Variants in DNAJB13 observed in about 807,000 individuals in gnomAD.
DNAJB13 encodes the protein dnaJ homolog subfamily B member 13.
Under a neutral mutation model 35.6 loss-of-function variants are expected in DNAJB13, and 22 were observed. The ratio of observed to expected loss-of-function variants is 0.62; its 90% CI spans 0.44 to 0.88. DNAJB13 has a LOEUF of 0.88. DNAJB13 is among the 40% of genes least tolerant of loss of function. The probability of loss-of-function intolerance (pLI) is 0.00; values close to 1 mark genes in which losing one functional copy is unlikely to be tolerated. For synonymous variants in DNAJB13, 136 were observed against 144.2 expected, an observed-to-expected ratio of 0.94 and a Z score of 0.41; for missense variants, 370 against 384.3, an observed-to-expected ratio of 0.96 and a Z score of 0.31.
rs1329615021 is a variant in DNAJB13, at chr11:73,970,122, G to A, written c.*8G>A. 6.3e-7 allele frequency: 1 copy of A among 1,593,860 alleles called. No homozygotes were observed. The highest frequency in any genetic ancestry group is 2.2e-5 in the East Asian group (1 of 44,574). On this transcript the variant is annotated 3_prime_UTR_variant, in exon 8 of 8. Transcript: ENST00000339764. ...CAGGCATTGCTGACATGACTGTGGT[G>A]GGCTGGAGCAGGGGTGAGAGGAGGC...
chr11:73,955,157 C>G (rs1679908332), intron 1 of DNAJB13, among the ~76,000 whole-genome samples: 2 of 151,856 alleles, frequency 1.3e-5, no homozygotes, highest in African/African-American at 4.8e-5. Flanking sequence ...TATAATTGCC[C>G]AGGATTCATA....
chr11:73,968,496 C>T, intron 6 of DNAJB13, 38 bp downstream of exon 6: 2 of 1,566,552 alleles, frequency 1.3e-6, no homozygotes, highest in South Asian at 2.3e-5. Context: ...GGGAGGAGAT[C>T]AGAGTGAGCC....
At chr11:73,965,333 C>A in intron 4 of DNAJB13, 1 of 248,710 alleles carries the variant, frequency 4.0e-6, no homozygotes, top group East Asian at 9.1e-5. Flanking sequence ...TGGAAAGGCT[C>A]TGAATGGGAG....
chr11:73,959,071 T>C (rs1950846291), intron 2 of DNAJB13, among the ~76,000 whole-genome samples: 2 of 151,412 alleles, frequency 1.3e-5, no homozygotes, highest in Non-Finnish European at 2.9e-5. Context: ...CCTTAGACTC[T>C]AGGATTTCGA....
chr11:73,951,143 T>A lies in DNAJB13; in HGVS notation c.68+6T>A, dbSNP rs763091758. On this transcript the variant is annotated splice_donor_region_variant and intron_variant, in intron 1 of 7. Transcript: ENST00000339764. ...GATGCCCAGATCAAGCAGGCGTAAG[T>A]TGGGGTGGGAGCCAGGCCTTAGGGG... 6.2e-7 allele frequency: 1 copy of A among 1,613,984 alleles called. No homozygotes were observed. The highest frequency in any genetic ancestry group is 8.5e-7 in the Non-Finnish European group (1 of 1,179,980).
chr11:73,952,187 A>G (rs1482659273), intron 1 of DNAJB13, among the ~76,000 whole-genome samples: 2 of 152,184 alleles, frequency 1.3e-5, no homozygotes, highest in Non-Finnish European at 2.9e-5. Flanking sequence ...TTGGAAGGAG[A>G]GAGACCCTTT....
Position 73,963,164 on chromosome 11 carries a change from A to G in DNAJB13, c.335-1714A>G, listed in dbSNP as rs116212482. 8.3e-3 allele frequency among the ~76,000 whole-genome samples: 1,256 copies of G among 152,072 alleles called. 23 individuals are homozygous for G. The highest frequency in any genetic ancestry group is 0.028 in the African/African-American group (1,173 of 41,474). The stretch of plus-strand genomic sequence containing the variant: ...ACCATGGAGAAAACCCATCTCTACT[A>G]AAAACAAACAAACAAACAAAAACAA... On this transcript the variant is annotated intron_variant, in intron 3 of 7. Transcript: ENST00000339764.
chr11:73,969,855 G>C, intron 7 of DNAJB13, 106 bp from the exon 8 acceptor site: 1 of 1,420,024 alleles, frequency 7.0e-7, no homozygotes, highest in Non-Finnish European at 9.5e-7. Context: ...AGACTGCAGT[G>C]ACTGTCCCCT....
chr11:73,953,920 G>A lies in DNAJB13; in HGVS notation c.68+2783G>A, dbSNP rs1950651961. On this transcript the variant is annotated intron_variant, in intron 1 of 7. Transcript: ENST00000339764. ...GGAGAATGGCGTGAACCCGGGAGGT[G>A]GAGCTTACAGTGAGCGAGATTGCGC... is the stretch of plus-strand genomic sequence containing the variant. Among the ~76,000 whole-genome samples the A allele has an allele frequency of 2.7e-5, 4 of 150,462 alleles. No homozygotes were observed. The South Asian group carries it at 8.4e-4, about 32-fold the overall frequency.
intron 1 of DNAJB13, among the ~76,000 whole-genome samples, chr11:73,955,842 T>C (rs139867957): frequency 1.6e-4 from 24 of 152,066 alleles, no homozygotes; most frequent in African/African-American, 4.8e-4. Flanking sequence ...CCTTTATAAT[T>C]GAGAAAGGCT....
chr11:73,963,292 C>T (rs941652060), intron 3 of DNAJB13, among the ~76,000 whole-genome samples: 2 of 151,780 alleles, frequency 1.3e-5, no homozygotes, highest in African/African-American at 4.8e-5. Context: ...TTGTGGTGAG[C>T]CGAGATTGCG....
chr11:73,964,825 A>T, intron 3 of DNAJB13, 53 bp from the exon 4 acceptor site: 4 of 1,201,138 alleles, frequency 3.3e-6, no homozygotes, highest in Non-Finnish European at 2.2e-6. Context: ...GCGCGCGCGC[A>T]TGTCTGGGTC....
intron 2 of DNAJB13, among the ~76,000 whole-genome samples, chr11:73,959,193 C>T (rs1950850720): frequency 6.6e-6 from 1 of 152,162 alleles, no homozygotes; most frequent in Non-Finnish European, 1.5e-5. Flanking sequence ...AGGCCAAATC[C>T]CAGGGCCATT....
In DNAJB13 at chr11:73,969,339, T is replaced by C. The variant is rs767477997; in HGVS notation, c.797+17T>C. On this transcript the variant is annotated intron_variant, in intron 7 of 7. Coordinates refer to ENST00000339764, the MANE Select transcript of DNAJB13 (RefSeq NM_153614.4). ...CATCATCCAGTGAGTCCATCTGCCTTGGGCCCCAGTAGCCAAGAGAAGGGC... is the reference window on the plus strand; with the variant it reads ...CATCATCCAGTGAGTCCATCTGCCTCGGGCCCCAGTAGCCAAGAGAAGGGC... The C allele has an allele frequency of 2.3e-6, 2 of 871,324 alleles. No individual in the cohort carries two copies. Among genetic ancestry groups the C allele is most frequent in the South Asian group, 2.6e-5 (2 of 76,350 alleles). The allele number at this position is 871,324 out of a possible 1,614,324, so 54.0% of individuals were successfully genotyped here.
intron 3 of DNAJB13, among the ~76,000 whole-genome samples, chr11:73,962,753 G>T (rs1489128843): frequency 6.6e-6 from 1 of 152,048 alleles, no homozygotes; most frequent in Non-Finnish European, 1.5e-5. Context: ...CCAATATGTG[G>T]GTTACAGCCC....
chr11:73,962,418 T>C (rs951490180), intron 3 of DNAJB13, among the ~76,000 whole-genome samples: 2 of 2,670 alleles, frequency 7.5e-4, no homozygotes, highest in Admixed American at 8.4e-3. Flanking sequence ...GGTGGGTGGG[T>C]GGGTAGGCGG....
In DNAJB13 at chr11:73,951,154, G is replaced by A; in HGVS notation, c.68+17G>A. The A allele has an allele frequency of 6.2e-7, 1 of 1,613,936 alleles. No homozygotes were observed. The highest frequency in any genetic ancestry group is 1.1e-5 in the South Asian group (1 of 91,070). ...CAAGCAGGCGTAAGTTGGGGTGGGAGCCAGGCCTTAGGGGTGTGCTGGGGC... is the reference window on the plus strand; with the variant it reads ...CAAGCAGGCGTAAGTTGGGGTGGGAACCAGGCCTTAGGGGTGTGCTGGGGC... On this transcript the variant is annotated intron_variant, in intron 1 of 7. Transcript: ENST00000339764.
chr11:73,963,740 C>T (rs1360744686), intron 3 of DNAJB13: 1 of 152,222 alleles, frequency 6.6e-6, no homozygotes, highest in African/African-American at 2.4e-5. Flanking sequence ...GTGTAGTCAC[C>T]TCACCATCCC....
At position 73,970,126 on chromosome 11, in the gene DNAJB13, T is replaced by C. The variant is rs746548860; in HGVS notation, c.*12T>C. The C allele has an allele frequency of 1.3e-6, 2 of 1,589,030 alleles. No homozygotes were observed. The highest frequency in any genetic ancestry group is 2.2e-5 in the East Asian group (1 of 44,466). On this transcript the variant is annotated 3_prime_UTR_variant, in exon 8 of 8. Coordinates refer to ENST00000339764, the MANE Select transcript of DNAJB13 (RefSeq NM_153614.4). ...CATTGCTGACATGACTGTGGTGGGC[T>C]GGAGCAGGGGTGAGAGGAGGCTAGC...
Sources: allele counts gnomAD v4.1 joint callset (sites outside exome capture counted in the v4.1 genomes callset), GRCh38; gene constraint gnomAD v4.1.1; transcripts MANE v1.5; gene names NCBI Gene and HGNC (gene_info 2026-07-23, HGNC 2026-07-21).